RPS26: variants seen among roughly 807,000 people sequenced by gnomAD.
RPS26 encodes ribosomal protein S26.
In RPS26, 1 loss-of-function variant was observed where a neutral mutation model predicts 14.7. That is an observed-to-expected ratio of 0.07 (90% CI 0.02 to 0.32). The LOEUF is 0.32. Among genes scored for constraint, RPS26 ranks in the 10% least tolerant of loss-of-function variants. The pLI is 1.00. For synonymous variants in RPS26, 59 were observed against 53.1 expected (o/e 1.11, Z -0.48); for missense variants, 63 against 157.7 (o/e 0.40, Z 3.22).
rs1895888943 is a variant in RPS26, at chr12:56,041,969, G to A, written c.-198G>A. ...AGTCCCATGTGCACTTTGTTCCATG[G>A]ATAAATAAACACTAGGAACGCATTT... On this transcript the variant is annotated 5_prime_UTR_variant, in exon 1 of 4. Transcript: ENST00000646449. The A allele has an allele frequency of 4.4e-6, 3 of 674,710 alleles. No individual in the cohort carries two copies. The highest frequency in any genetic ancestry group is 8.1e-6 in the Non-Finnish European group (3 of 371,756). 41.8% of individuals were successfully genotyped at this position (674,710 alleles called of 1,614,324 possible).
chr12:56,042,297 G>C (rs1221214779), intron 1 of RPS26, 128 bp downstream of exon 1: 1 of 1,520,276 alleles, frequency 6.6e-7, no homozygotes, highest in South Asian at 1.1e-5. Context: ...GGGTCGGCGG[G>C]ATTTGCGGAG....
Position 56,042,105 on chromosome 12 carries a change from C to A in RPS26, c.-62C>A. On this transcript the variant is annotated 5_prime_UTR_variant, in exon 1 of 4. Coordinates refer to ENST00000646449, the MANE Select transcript of RPS26 (RefSeq NM_001029.5). ...ATTCTCCCGGTGTCCGCGTAGGGATCTCATGCTATATAGGAGGGCCCTGCC... is the reference window on the plus strand; with the variant it reads ...ATTCTCCCGGTGTCCGCGTAGGGATATCATGCTATATAGGAGGGCCCTGCC... The A allele has an allele frequency of 6.4e-7, 1 of 1,570,038 alleles. No homozygotes were observed.
intron 2 of RPS26, chr12:56,043,009 C>T (rs75501922): frequency 3.3e-5 from 13 of 396,652 alleles, no homozygotes; most frequent in Non-Finnish European, 5.2e-5. Flanking sequence ...ATAAGAACGT[C>T]GCTTTGTTTT....
Position 56,042,063 on chromosome 12 carries a change from A to T in RPS26, c.-104A>T. 1 of 1,215,980 alleles carries T rather than the reference A, an allele frequency of 8.2e-7. No homozygotes were observed. Among genetic ancestry groups the T allele is most frequent in the South Asian group, 1.2e-5 (1 of 82,382 alleles). 75.3% of individuals were successfully genotyped at this position (1,215,980 alleles called of 1,614,324 possible). On this transcript the variant is annotated 5_prime_UTR_variant, in exon 1 of 4. It removes the in-frame stop codon of an upstream open reading frame in the 5' UTR. Transcript: ENST00000646449. ...TGAGTAAAGTGAGTTGCCGTTCTTG[A>T]AGCCCGTCTCCTAAGGATTCTCCCG...
Position 56,042,098 on chromosome 12 carries a change from T to G in RPS26, c.-69T>G, listed in dbSNP as rs1469494157. The stretch of plus-strand genomic sequence containing the variant: ...CCTAAGGATTCTCCCGGTGTCCGCG[T>G]AGGGATCTCATGCTATATAGGAGGG... On this transcript the variant is annotated 5_prime_UTR_variant, in exon 1 of 4. Transcript: ENST00000646449. 1.3e-6 allele frequency: 2 copies of G among 1,526,156 alleles called. No individual in the cohort carries two copies. Among genetic ancestry groups the G allele is most frequent in the Non-Finnish European group, 9.1e-7 (1 of 1,099,778 alleles). 94.5% of individuals were successfully genotyped at this position (1,526,156 alleles called of 1,614,324 possible).
rs2136755794 is a variant in RPS26 at position 56,044,504 on chromosome 12, T to C, written c.*350T>C. 3.8e-6 allele frequency: 1 copy of C among 261,322 alleles called. No homozygotes were observed. Among genetic ancestry groups the C allele is most frequent in the Non-Finnish European group, 7.4e-6 (1 of 135,888 alleles). 16.2% of individuals were successfully genotyped at this position (261,322 alleles called of 1,614,324 possible). On this transcript the variant is annotated 3_prime_UTR_variant, in exon 4 of 4. Coordinates refer to ENST00000646449, the MANE Select transcript of RPS26 (RefSeq NM_001029.5). ...GATTACAGGTGTCTGCCACCATGCC[T>C]GGTTAATTTTTGTATTTTTGGTAGA...
chr12:56,043,292 C>T (rs1895915368), intron 2 of RPS26, 71 bp from the exon 3 acceptor site: 11 of 1,391,672 alleles, frequency 7.9e-6, no homozygotes, highest in Non-Finnish European at 1.1e-5. Context: ...ATGTAAGGTG[C>T]TCTTCATTCA....
At chr12:56,042,350 C>A in intron 1 of RPS26, 75 bp from the exon 2 acceptor site, 1 of 1,554,702 alleles carries the variant, frequency 6.4e-7, no homozygotes, top group Non-Finnish European at 8.9e-7. Context: ...GCTGCCGGTG[C>A]GGCTTGTGGC....
At position 56,042,619 on chromosome 12, in the gene RPS26, C is replaced by T. The variant is rs371624047; in HGVS notation, c.181+17C>T. 5 of 1,595,212 alleles carry T rather than the reference C, an allele frequency of 3.1e-6. No individual in the cohort carries two copies. Among genetic ancestry groups the T allele is most frequent in the East Asian group, 2.2e-5 (1 of 44,870 alleles). ...TCTTCGATGGTAAGTGGGTCACCGG[C>T]GCGAACTGTGTGAGGATCCCAGTAT... On this transcript the variant is annotated intron_variant, in intron 2 of 3. Coordinates refer to ENST00000646449, the MANE Select transcript of RPS26 (RefSeq NM_001029.5).
chr12:56,042,660 C>T, intron 2 of RPS26, 58 bp downstream of exon 2: 1 of 1,459,234 alleles, frequency 6.9e-7, no homozygotes, highest in Non-Finnish European at 9.5e-7. Flanking sequence ...AGCCTTCGCC[C>T]AACTTCGCCC....
intron 3 of RPS26, 84 bp from the exon 4 acceptor site, chr12:56,044,035 A>C: frequency 8.8e-7 from 1 of 1,142,818 alleles, no homozygotes; most frequent in Non-Finnish European, 1.3e-6. Flanking sequence ...TCAGTTTGTG[A>C]GAGGATGGTG....
rs1895891583 is a variant in RPS26, at chr12:56,042,126, C to T, written c.-41C>T. 4 of 1,612,696 alleles carry T rather than the reference C, an allele frequency of 2.5e-6. No individual in the cohort carries two copies. In the Admixed American group the frequency reaches 5.0e-5, roughly 20 times the overall value. ...GGATCTCATGCTATATAGGAGGGCC[C>T]TGCCAGGCACCGTCTCCTCTCTCCG... On this transcript the variant is annotated 5_prime_UTR_variant, in exon 1 of 4. Coordinates refer to ENST00000646449, the MANE Select transcript of RPS26 (RefSeq NM_001029.5).
chr12:56,043,068 G>GT (rs1215317984), intron 2 of RPS26: 3 of 423,180 alleles, frequency 7.1e-6, no homozygotes, highest in African/African-American at 2.0e-5. Flanking sequence ...TAGGGCGGGT[G>GT]TAGGTGTAGA....
intron 1 of RPS26, 84 bp downstream of exon 1, chr12:56,042,253 G>A (rs1297512063): frequency 2.6e-6 from 4 of 1,565,566 alleles, no homozygotes; most frequent in South Asian, 1.1e-5. Flanking sequence ...GCACGGCTGA[G>A]GGGTGGACCG....
At chr12:56,043,614 C>T in intron 3 of RPS26, 121 bp downstream of exon 3, 1 of 1,002,204 alleles carries the variant, frequency 1.0e-6, no homozygotes, top group Non-Finnish European at 1.5e-6. Flanking sequence ...AAGAAGATTG[C>T]TAGAAACCAG....
rs73338359 is a variant in RPS26 at position 56,043,655 on chromosome 12, T to C, written c.312+162T>C. ...CAAGACCCCATCTCTTCAAAAAATA[T>C]TGAGAAGGAAGCCAAGCATGATAGT... On this transcript the variant is annotated intron_variant, in intron 3 of 3. Coordinates refer to ENST00000646449, the MANE Select transcript of RPS26 (RefSeq NM_001029.5). Among the ~76,000 whole-genome samples, 267 of 152,130 alleles carry C rather than the reference T, an allele frequency of 1.8e-3. 1 individual carries two copies. Among genetic ancestry groups the C allele is most frequent in the African/African-American group, 6.1e-3 (253 of 41,494 alleles).
rs918931233 is a variant in RPS26 at position 56,043,478 on chromosome 12, C to T, written c.297C>T (p.Pro99=). ...REARKDRTPP[P]RFRPAGAAPR... is the part of the protein sequence containing the mutation. ...CCCGCAAGGACCGAACACCCCCACC[C>T]CGATTTAGACCTGCGGTGAGTATTT... The change falls in exon 3 of 4, where the codon CCC becomes CCT. Residue 99 remains proline, a synonymous_variant. Transcript: ENST00000646449. 3.7e-6 allele frequency: 6 copies of T among 1,613,662 alleles called. No homozygotes were observed. Among genetic ancestry groups the T allele is most frequent in the Admixed American group, 1.7e-5 (1 of 59,976 alleles).
At chr12:56,043,524 G>A in intron 3 of RPS26, 31 bp downstream of exon 3, 3 of 1,612,872 alleles carry the variant, frequency 1.9e-6, no homozygotes, top group Middle Eastern at 1.7e-4. Flanking sequence ...ATGGAAGCCA[G>A]GGGAGTGATG....
chr12:56,044,466 C>G lies in RPS26; in HGVS notation c.*312C>G. ...TCAAGTGATTCTCCTGCCTCAGCTT[C>G]TTGAGTAGCTGGGATTACAGGTGTC... is the stretch of plus-strand genomic sequence containing the variant. On this transcript the variant is annotated 3_prime_UTR_variant, in exon 4 of 4. Transcript: ENST00000646449. 3.1e-6 allele frequency: 1 copy of G among 318,044 alleles called. No individual in the cohort carries two copies. Among genetic ancestry groups the G allele is most frequent in the Non-Finnish European group, 5.8e-6 (1 of 173,580 alleles). The allele number at this position is 318,044 out of a possible 1,614,324, so 19.7% of individuals were successfully genotyped here. A position where few individuals can be genotyped will look rare whatever the true frequency, so the allele number is the denominator to read the frequency against.
Sources: gnomAD v4.1 joint callset for allele counts (sites outside exome capture counted in the v4.1 genomes callset) on GRCh38, gnomAD v4.1.1 for gene constraint, MANE v1.5 for transcripts, NCBI Gene and HGNC (gene_info 2026-07-23, HGNC 2026-07-21) for gene names.